Variants in OPCML observed in about 807,000 individuals in gnomAD.
The protein encoded by OPCML is opioid binding protein/cell adhesion molecule like.
A neutral mutation model predicts 37.8 loss-of-function variants in OPCML; 13 were observed. The ratio of observed to expected loss-of-function variants is 0.34; its 90% CI spans 0.22 to 0.55. The LOEUF is 0.55. Among genes scored for constraint, OPCML ranks in the 20% least tolerant of loss-of-function variants. OPCML has a pLI of 0.91. For missense variants in OPCML, 341 were observed against 435.6 expected (o/e 0.78, Z 1.93); for synonymous variants, 176 against 168.8 (o/e 1.04, Z -0.33).
chr11:132,447,616 G>A (rs540736544), intron 4 of OPCML, among the ~76,000 whole-genome samples: 21 of 152,254 alleles, frequency 1.4e-4, no homozygotes, highest in African/African-American at 4.8e-4. Context: ...GGTCGACAGT[G>A]TACTTTTTAA....
intron 2 of OPCML, among the ~76,000 whole-genome samples, chr11:132,704,729 T>A (rs1943963594): frequency 6.6e-6 from 1 of 152,234 alleles, no homozygotes; most frequent in Non-Finnish European, 1.5e-5. Context: ...ATCATCTAGA[T>A]GGTAAGACTG....
At chr11:133,335,553 G>T (rs550750323) in intron 1 of OPCML, among the ~76,000 whole-genome samples, 1 of 152,126 alleles carries the variant, frequency 6.6e-6, no homozygotes, top group Admixed American at 6.5e-5. Context: ...AGGAGGGAAA[G>T]CATCCTCAGC....
intron 1 of OPCML, among the ~76,000 whole-genome samples, chr11:133,233,907 C>A (rs530631545): frequency 3.2e-4 from 48 of 152,230 alleles, no homozygotes; most frequent in African/African-American, 1.1e-3. Context: ...CCACCCCCTG[C>A]CCAGACCAAT....
intron 4 of OPCML, among the ~76,000 whole-genome samples, chr11:132,490,183 C>G (rs1168343690): frequency 6.6e-6 from 1 of 151,838 alleles, no homozygotes; most frequent in African/African-American, 2.4e-5. Flanking sequence ...TGACTGTGCC[C>G]TCTTCTCACC....
intron 1 of OPCML, among the ~76,000 whole-genome samples, chr11:133,122,741 A>T (rs1169682076): frequency 6.6e-6 from 1 of 152,172 alleles, no homozygotes; most frequent in African/African-American, 2.4e-5. Flanking sequence ...GATGATGCTG[A>T]CATTCATCTC....
intron 1 of OPCML, among the ~76,000 whole-genome samples, chr11:133,172,627 G>A (rs912586659): frequency 6.6e-6 from 1 of 152,082 alleles, no homozygotes; most frequent in Non-Finnish European, 1.5e-5. Flanking sequence ...AGACAGTGGC[G>A]ACACAGTCAG....
In OPCML at chr11:132,529,051, A is replaced by T; in HGVS notation, c.505+10T>A. 1 of 1,592,010 alleles carries T rather than the reference A, an allele frequency of 6.3e-7. No individual in the cohort carries two copies. The highest frequency in any genetic ancestry group is 1.1e-5 in the South Asian group (1 of 89,678). On this transcript the variant is annotated intron_variant, in intron 4 of 7. Coordinates refer to ENST00000524381, the MANE Select transcript of OPCML (RefSeq NM_001012393.5). ...TACCTCTGAAAACGTCCTCCAGGTC[A>T]GCACCTTACCCTTGACTGACAGGTG... is the stretch of plus-strand genomic sequence containing the variant.
At chr11:132,983,482 G>A (rs1184329184) in intron 1 of OPCML, among the ~76,000 whole-genome samples, 1 of 152,202 alleles carries the variant, frequency 6.6e-6, no homozygotes, top group East Asian at 1.9e-4. Flanking sequence ...GGACTGGTGA[G>A]TGACCACCCA....
chr11:132,719,025 G>A (rs762882020), intron 2 of OPCML, among the ~76,000 whole-genome samples: 2 of 152,184 alleles, frequency 1.3e-5, no homozygotes, highest in African/African-American at 2.4e-5. Flanking sequence ...CCAGAGAACT[G>A]CAGCCCTCTC....
intron 1 of OPCML, among the ~76,000 whole-genome samples, chr11:133,167,281 T>C (rs758174906): frequency 6.6e-6 from 1 of 152,124 alleles, no homozygotes; most frequent in Non-Finnish European, 1.5e-5. Context: ...GTTATTATTA[T>C]TGGAATGATA....
intron 3 of OPCML, among the ~76,000 whole-genome samples, chr11:132,608,724 C>A (rs1938455357): frequency 6.6e-6 from 1 of 152,108 alleles, no homozygotes; most frequent in African/African-American, 2.4e-5. Context: ...GGGTATACTC[C>A]AGGAAACCAG....
chr11:133,371,879 A>T (rs1944682450), intron 1 of OPCML, among the ~76,000 whole-genome samples: 1 of 152,214 alleles, frequency 6.6e-6, no homozygotes, highest in Non-Finnish European at 1.5e-5. Flanking sequence ...AGCAATGTGG[A>T]TGGAACTGAA....
At chr11:132,694,456 C>G (rs1410658589) in intron 2 of OPCML, among the ~76,000 whole-genome samples, 1 of 152,046 alleles carries the variant, frequency 6.6e-6, no homozygotes, top group Non-Finnish European at 1.5e-5. Flanking sequence ...CTCGGCCTCC[C>G]AAAGTGCTGG....
intron 4 of OPCML, among the ~76,000 whole-genome samples, chr11:132,483,484 A>G (rs1482395190): frequency 6.6e-6 from 1 of 152,148 alleles, no homozygotes; most frequent in Admixed American, 6.5e-5. Context: ...GAAAATGGCC[A>G]TACTGCCCAA....
intron 2 of OPCML, among the ~76,000 whole-genome samples, chr11:132,761,407 A>T (rs1946261197): frequency 6.6e-6 from 1 of 152,052 alleles, no homozygotes; most frequent in African/African-American, 2.4e-5. Flanking sequence ...GTGTTTTCCA[A>T]CTTGGTTCCA....
chr11:133,356,117 G>A (rs1768014435), intron 1 of OPCML, among the ~76,000 whole-genome samples: 1 of 152,092 alleles, frequency 6.6e-6, no homozygotes, highest in African/African-American at 2.4e-5. Flanking sequence ...CAGTAAGCTG[G>A]AATCTCTCTT....
intron 2 of OPCML, among the ~76,000 whole-genome samples, chr11:132,698,007 T>C (rs1234142399): frequency 6.7e-6 from 1 of 148,650 alleles, no homozygotes; most frequent in African/African-American, 2.5e-5. Flanking sequence ...TATTTATTTA[T>C]TTATTTATTT....
rs1295665164 is a variant in OPCML, at chr11:133,115,821, A to G, written c.62-172811T>C. Among the ~76,000 whole-genome samples the G allele has an allele frequency of 2.0e-5, 3 of 151,806 alleles. 1 individual carries two copies. Among genetic ancestry groups the G allele is most frequent in the South Asian group, 4.2e-4 (2 of 4,802 alleles). On this transcript the variant is annotated intron_variant, in intron 1 of 7. Transcript: ENST00000524381. The stretch of plus-strand genomic sequence containing the variant: ...TTCACTAATTGGTAACATTCTGCAT[A>G]ACTTTATCATTTGTTTTCACATGTT...
intron 1 of OPCML, among the ~76,000 whole-genome samples, chr11:133,132,725 T>TA (rs1169719769): frequency 6.6e-6 from 1 of 152,162 alleles, no homozygotes; most frequent in Admixed American, 6.5e-5. Flanking sequence ...TCAAAATACT[T>TA]ACGTTGAGTG....
Sources: allele counts gnomAD v4.1 joint callset (sites outside exome capture counted in the v4.1 genomes callset), GRCh38; gene constraint gnomAD v4.1.1; transcripts MANE v1.5; gene names NCBI Gene and HGNC (gene_info 2026-07-23, HGNC 2026-07-21).